Variants in HEPH observed in about 807,000 individuals in gnomAD.
HEPH encodes hephaestin.
HEPH carries 69 observed loss-of-function variants against 80.8 expected under a neutral mutation model. The observed-to-expected ratio is 0.85, with a 90% CI of 0.70 to 1.04. The LOEUF (loss-of-function observed/expected upper bound fraction) is 1.04, where lower values mean the gene tolerates loss of function less well. Ranked by LOEUF, HEPH falls within the 50% of genes least tolerant of loss-of-function variation. The pLI is 0.00. For missense variants in HEPH, 1,115 were observed against 891.3 expected (o/e 1.25, Z -3.20); for synonymous variants, 431 against 322.8 (o/e 1.34, Z -3.60).
chrX:66,235,876 AGGAAT>A (rs754223073), intron 15 of HEPH, among the ~76,000 whole-genome samples: 1 of 110,949 alleles, frequency 9.0e-6, no homozygotes, highest in African/African-American at 3.3e-5. Flanking sequence ...GCAGTGTTTT[AGGAAT>A]GGAATGGAAT....
chrX:66,180,379 T>C (rs1039369683), intron 4 of HEPH, among the ~76,000 whole-genome samples: 1 of 111,098 alleles, frequency 9.0e-6, no homozygotes, highest in Non-Finnish European at 1.9e-5. Flanking sequence ...TTAGTTTTGC[T>C]GGATACAGAA....
chrX:66,168,141 G>T (rs2086451569), intron 1 of HEPH, among the ~76,000 whole-genome samples: 1 of 111,729 alleles, frequency 9.0e-6, no homozygotes, highest in Admixed American at 9.5e-5. Flanking sequence ...ATCTAATTGG[G>T]TGCTATAGAC....
At chrX:66,258,733 T>C in intron 17 of HEPH, 107 bp from the exon 18 acceptor site, 1 of 578,368 alleles carries the variant, frequency 1.7e-6, no homozygotes, top group South Asian at 4.9e-5. Flanking sequence ...CCCATTGCTA[T>C]CTTCGGTAAA....
chrX:66,190,448 G>A (rs977925571), intron 6 of HEPH, among the ~76,000 whole-genome samples: 3 of 111,453 alleles, frequency 2.7e-5, no homozygotes, highest in Admixed American at 9.5e-5. Flanking sequence ...GTATTGAGGA[G>A]CATCAGATGC....
chrX:66,237,770 G>A (rs1427444958), intron 15 of HEPH, among the ~76,000 whole-genome samples: 4 of 112,118 alleles, frequency 3.6e-5, no homozygotes, highest in Non-Finnish European at 7.5e-5. Flanking sequence ...TATCTTTGAA[G>A]GTCTCTAAGA....
intron 15 of HEPH, among the ~76,000 whole-genome samples, chrX:66,237,884 T>A (rs2090424043): frequency 1.8e-5 from 2 of 112,013 alleles, no homozygotes; most frequent in Non-Finnish European, 1.9e-5. Context: ...TAATACCTTT[T>A]CTTTCTTGAT....
In HEPH at chrX:66,256,175, G is replaced by T; in HGVS notation, c.2741G>T (p.Arg914Leu). 1 of 1,211,191 alleles carries T rather than the reference G, an allele frequency of 8.3e-7. No individual in the cohort carries two copies. The highest frequency in any genetic ancestry group is 1.1e-6 in the Non-Finnish European group (1 of 894,969). Reference protein sequence around the residue: ...QKGILEPHGGRSDMDREFALL... With the variant: ...QKGILEPHGGLSDMDREFALL... ...GGCATCCTGGAGCCCCATGGAGGAC[G>T]GAGTGACATGGATCGGGAATTTGCA... Residue 914 changes from arginine (R) to leucine (L), a missense_variant, in exon 17 of 21, where the codon CGG (arginine) becomes CTG (leucine). Transcript: ENST00000343002.
intron 19 of HEPH, among the ~76,000 whole-genome samples, chrX:66,260,549 C>T (rs1263966610): frequency 1.8e-5 from 2 of 111,807 alleles, no homozygotes; most frequent in East Asian, 2.8e-4. Context: ...CAGCCTGAAA[C>T]CGGTTTGGCT....
intron 4 of HEPH, among the ~76,000 whole-genome samples, chrX:66,178,290 C>T (rs998471470): frequency 1.8e-5 from 2 of 112,449 alleles, no homozygotes; most frequent in African/African-American, 6.5e-5. Context: ...TTTTTTATGG[C>T]TGCATAGTAT....
chrX:66,210,668 A>G (rs777561171), intron 15 of HEPH, among the ~76,000 whole-genome samples: 3 of 111,907 alleles, frequency 2.7e-5, no homozygotes, highest in South Asian at 7.5e-4. Context: ...GTAGTGATCT[A>G]CAAGTGATGA....
Position 66,266,583 on chromosome X carries a change from G to C in HEPH, c.3388G>C (p.Val1130Leu). The part of the protein sequence containing the change: ...LLVVLALGGV[V>L]WYQHRQRKLR... ...CGTTGTTCTGGCTCTTGGTGGAGTG[G>C]TTTGGTACCAACATCGACAGAGAAA... Residue 1130 changes from valine to leucine, a missense_variant, in exon 21 of 21, where the codon GTT (valine) becomes CTT (leucine). Transcript: ENST00000343002. The C allele has an allele frequency of 1.7e-6, 2 of 1,210,660 alleles. No individual in the cohort carries two copies. Among genetic ancestry groups the C allele is most frequent in the Non-Finnish European group, 2.2e-6 (2 of 894,959 alleles).
chrX:66,208,255 G>A lies in HEPH; in HGVS notation c.2563+9G>A, dbSNP rs761090208. 1.7e-5 allele frequency: 20 copies of A among 1,197,865 alleles called. No homozygotes were observed. The highest frequency in any genetic ancestry group is 2.1e-5 in the Non-Finnish European group (19 of 889,539). ...ACTGGCTGCTGAGCCTGGTGAGTGG[G>A]GACACTTAGTGAAAGAACAAAGGAC... On this transcript the variant is annotated intron_variant, in intron 15 of 20. Coordinates refer to ENST00000343002, the MANE Select transcript of HEPH (RefSeq NM_001367233.3).
At chrX:66,227,051 T>C (rs2089923268) in intron 15 of HEPH, among the ~76,000 whole-genome samples, 1 of 111,895 alleles carries the variant, frequency 8.9e-6, no homozygotes, top group South Asian at 3.7e-4. Flanking sequence ...TACTGGTGAA[T>C]GGAATCCAAC....
At chrX:66,261,706 C>T (rs1359420860) in intron 19 of HEPH, among the ~76,000 whole-genome samples, 1 of 111,569 alleles carries the variant, frequency 9.0e-6, no homozygotes, top group Non-Finnish European at 1.9e-5. Context: ...GAATACAACT[C>T]TTCTGTTTAC....
chrX:66,201,916 G>C (rs1349363631), intron 12 of HEPH, among the ~76,000 whole-genome samples: 1 of 112,275 alleles, frequency 8.9e-6, no homozygotes, highest in Non-Finnish European at 1.9e-5. Context: ...ACGGTGGTAA[G>C]GGAAATAGAA....
intron 19 of HEPH, among the ~76,000 whole-genome samples, chrX:66,261,538 G>GTTTT (rs5902598): frequency 1.1e-5 from 1 of 91,642 alleles, no homozygotes; most frequent in African/African-American, 3.9e-5. Context: ...TCAAGGCTGT[G>GTTTT]TTTTTTTTTT....
chrX:66,190,470 G>T (rs1384684549), intron 6 of HEPH, among the ~76,000 whole-genome samples: 1 of 111,463 alleles, frequency 9.0e-6, no homozygotes, highest in East Asian at 2.8e-4. Context: ...TCAGAGGGGA[G>T]GAAGAGCGTA....
intron 15 of HEPH, among the ~76,000 whole-genome samples, chrX:66,245,847 C>T (rs773508630): frequency 8.9e-6 from 1 of 112,415 alleles, no homozygotes; most frequent in East Asian, 2.8e-4. Context: ...CGCTCAACTA[C>T]ATGGAAACTG....
chrX:66,210,306 G>A (rs1473470829), intron 15 of HEPH, among the ~76,000 whole-genome samples: 1 of 112,108 alleles, frequency 8.9e-6, no homozygotes, highest in Non-Finnish European at 1.9e-5. Flanking sequence ...ATAAATTGGG[G>A]AAAGAAGCTA....
Sources: gnomAD v4.1 joint callset for allele counts (sites outside exome capture counted in the v4.1 genomes callset) on GRCh38, gnomAD v4.1.1 for gene constraint, MANE v1.5 for transcripts, NCBI Gene and HGNC (gene_info 2026-07-23, HGNC 2026-07-21) for gene names.